EGFR: variants seen among roughly 807,000 people sequenced by gnomAD.
EGFR encodes avian erythroblastic leukemia viral (v-erb-b) oncogene homolog.
In EGFR, 58 loss-of-function variants were observed where a neutral mutation model predicts 143.0. The ratio of observed to expected loss-of-function variants is 0.41; its 90% CI spans 0.33 to 0.50. The LOEUF (loss-of-function observed/expected upper bound fraction) is 0.50, where lower values mean the gene tolerates loss of function less well. Ranked by LOEUF, EGFR falls within the 20% of genes least tolerant of loss-of-function variation. EGFR has a pLI of 0.39. For missense variants in EGFR, 1,307 were observed against 1,579.0 expected, an observed-to-expected ratio of 0.83 and a Z score of 2.92; for synonymous variants, 613 against 594.4, an observed-to-expected ratio of 1.03 and a Z score of -0.45.
chr7:55,052,649 A>G (rs1158514364), intron 1 of EGFR, among the ~76,000 whole-genome samples: 1 of 152,198 alleles, frequency 6.6e-6, no homozygotes, highest in Non-Finnish European at 1.5e-5. Flanking sequence ...GCAGCCAGGT[A>G]GAGAAATGCC....
At chr7:55,172,792 G>C in intron 16 of EGFR, 191 bp from the exon 17 acceptor site, 1 of 1,514,900 alleles carries the variant, frequency 6.6e-7, no homozygotes, top group Non-Finnish European at 8.9e-7. Flanking sequence ...GGACTGGGGA[G>C]AGCTTGAGAA....
intron 19 of EGFR, among the ~76,000 whole-genome samples, chr7:55,177,193 C>G (rs1056143843): frequency 1.1e-4 from 16 of 152,122 alleles, no homozygotes; most frequent in Non-Finnish European, 2.1e-4. Context: ...TGTCCTGCAG[C>G]TCAGGCTGCC....
chr7:55,120,430 A>G (rs1387981378), intron 1 of EGFR, among the ~76,000 whole-genome samples: 2 of 152,148 alleles, frequency 1.3e-5, no homozygotes, highest in African/African-American at 2.4e-5. Flanking sequence ...CCATTTTTTC[A>G]TTTGAAAGTT....
intron 1 of EGFR, among the ~76,000 whole-genome samples, chr7:55,035,652 T>C (rs1204577423): frequency 6.7e-6 from 1 of 150,182 alleles, no homozygotes; most frequent in Non-Finnish European, 1.5e-5. Context: ...ACCACTGCAC[T>C]TCAGCCTGGG....
chr7:55,160,938 A>G (rs1785667153), intron 12 of EGFR, among the ~76,000 whole-genome samples: 1 of 152,110 alleles, frequency 6.6e-6, no homozygotes, highest in Non-Finnish European at 1.5e-5. Context: ...AATTCAGTGA[A>G]ATTCCTGTGT....
chr7:55,206,464 A>G lies in EGFR; in HGVS notation c.*847A>G. ...AATAATAACTCGGATTCCAGCCCAC[A>G]TTGGATTCATCAGCATTTGGACCAA... On this transcript the variant is annotated 3_prime_UTR_variant, in exon 28 of 28. Coordinates refer to ENST00000275493, the MANE Select transcript of EGFR (RefSeq NM_005228.5). 1 of 233,372 alleles carries G rather than the reference A, an allele frequency of 4.3e-6. No homozygotes were observed. Among genetic ancestry groups the G allele is most frequent in the Non-Finnish European group, 8.5e-6 (1 of 118,122 alleles). 14.5% of individuals were successfully genotyped at this position (233,372 alleles called of 1,614,324 possible). A position where few individuals can be genotyped will look rare whatever the true frequency, so the allele number is the denominator to read the frequency against.
chr7:55,183,772 C>T (rs550039501), intron 20 of EGFR, among the ~76,000 whole-genome samples: 1 of 152,220 alleles, frequency 6.6e-6, no homozygotes, highest in Non-Finnish European at 1.5e-5. Flanking sequence ...GAGTTTGTGC[C>T]TACCTGTCCC....
At chr7:55,044,793 A>G (rs1413924893) in intron 1 of EGFR, among the ~76,000 whole-genome samples, 1 of 152,254 alleles carries the variant, frequency 6.6e-6, no homozygotes, top group Non-Finnish European at 1.5e-5. Context: ...AAGCGGGCAT[A>G]CAACAGGGGC....
At chr7:55,181,253 C>A (rs1408117158) in intron 19 of EGFR, 40 bp from the exon 20 acceptor site, 2 of 1,612,152 alleles carry the variant, frequency 1.2e-6, no homozygotes, top group Admixed American at 3.3e-5. Flanking sequence ...CTTCTGGCCA[C>A]CATGCGAAGC....
chr7:55,022,482 A>C (rs1427679278), intron 1 of EGFR, among the ~76,000 whole-genome samples: 1 of 152,094 alleles, frequency 6.6e-6, no homozygotes, highest in African/African-American at 2.4e-5. Flanking sequence ...CTTTCTTCTC[A>C]CTCCAGCCCA....
intron 1 of EGFR, among the ~76,000 whole-genome samples, chr7:55,031,263 A>G (rs1787229046): frequency 6.6e-6 from 1 of 152,238 alleles, no homozygotes; most frequent in Non-Finnish European, 1.5e-5. Context: ...TCCAGTAAAC[A>G]GACAGTTAGT....
At chr7:55,189,323 C>T (rs375978666) in intron 20 of EGFR, among the ~76,000 whole-genome samples, 2 of 152,142 alleles carry the variant, frequency 1.3e-5, no homozygotes, top group East Asian at 1.9e-4. Flanking sequence ...ACGAGGTGGT[C>T]GTGTGGGGAC....
intron 1 of EGFR, among the ~76,000 whole-genome samples, chr7:55,131,322 C>T (rs1793820763): frequency 1.3e-5 from 2 of 150,980 alleles, no homozygotes; most frequent in East Asian, 1.9e-4. Flanking sequence ...CACTTTATGA[C>T]ATGAACATAA....
chr7:55,181,533 T>C (rs757791231), intron 20 of EGFR, 55 bp downstream of exon 20: 11 of 1,608,774 alleles, frequency 6.8e-6, no homozygotes, highest in African/African-American at 1.3e-5. Context: ...GATCCTCACA[T>C]GCGGTCTGCG....
chr7:55,032,573 TC>T (rs540401740), intron 1 of EGFR, among the ~76,000 whole-genome samples: 62 of 152,306 alleles, frequency 4.1e-4, no homozygotes, highest in African/African-American at 1.5e-3. Flanking sequence ...CACATCTGAC[TC>T]CCAGATCAGG....
At chr7:55,154,213 G>T in intron 7 of EGFR, 61 bp downstream of exon 7, 1 of 1,607,954 alleles carries the variant, frequency 6.2e-7, no homozygotes, top group Non-Finnish European at 8.5e-7. Flanking sequence ...TCTGTCTCCT[G>T]CTGAGCCCTG....
intron 1 of EGFR, among the ~76,000 whole-genome samples, chr7:55,023,416 G>A (rs1344706693): frequency 1.3e-5 from 2 of 152,068 alleles, no homozygotes; most frequent in South Asian, 2.1e-4. Context: ...TTGGGAGGCC[G>A]AGGCAGGCGA....
intron 1 of EGFR, among the ~76,000 whole-genome samples, chr7:55,052,332 T>C (rs909355118): frequency 9.2e-5 from 14 of 152,200 alleles, no homozygotes; most frequent in Non-Finnish European, 1.6e-4. Context: ...AAATATGTAT[T>C]GAGAAGTGGG....
intron 1 of EGFR, among the ~76,000 whole-genome samples, chr7:55,047,366 T>C (rs142408442): frequency 2.1e-3 from 314 of 152,382 alleles, no homozygotes; most frequent in Non-Finnish European, 3.5e-3. Flanking sequence ...AAAAATGCCC[T>C]GAAAAGAGAG....
Sources: allele counts gnomAD v4.1 joint callset (sites outside exome capture counted in the v4.1 genomes callset), GRCh38; gene constraint gnomAD v4.1.1; transcripts MANE v1.5; gene names NCBI Gene and HGNC (gene_info 2026-07-23, HGNC 2026-07-21).